PCDH15: variants seen among roughly 807,000 people sequenced by gnomAD.
PCDH15 encodes protocadherin related 15.
PCDH15 carries 129 observed loss-of-function variants against 178.5 expected under a neutral mutation model. That is an observed-to-expected ratio of 0.72 (90% confidence interval 0.63 to 0.84). The LOEUF (loss-of-function observed/expected upper bound fraction) is 0.84. PCDH15 is among the 40% of genes least tolerant of loss of function. The pLI, the probability that PCDH15 is intolerant of heterozygous loss-of-function variation, is 0.00. For synonymous variants in PCDH15, 800 were observed against 732.0 expected (o/e 1.09, Z -1.50); for missense variants, 2,230 against 2,099.9 (o/e 1.06, Z -1.21).
chr10:53,938,750 T>A, intron 25 of PCDH15, 65 bp downstream of exon 25: 25 of 1,516,972 alleles, frequency 1.6e-5, no homozygotes, highest in Non-Finnish European at 2.2e-5. Flanking sequence ...ACATAGGTAT[T>A]TCATTTAAAA....
chr10:54,992,302 T>A (rs1839521142), intron 2 of PCDH15, among the ~76,000 whole-genome samples: 1 of 152,198 alleles, frequency 6.6e-6, no homozygotes, highest in Admixed American at 6.5e-5. Flanking sequence ...TAACTACTGG[T>A]CAAAACATGA....
chr10:53,914,260 C>G (rs1319482617), intron 25 of PCDH15, among the ~76,000 whole-genome samples: 2 of 152,180 alleles, frequency 1.3e-5, no homozygotes, highest in Admixed American at 1.3e-4. Context: ...AATCCCATCA[C>G]TGGATATATA....
rs377727251 is a variant in PCDH15, at chr10:55,400,374, A to C, written c.-156+227251T>G. ...GTTATAGGAGTGAAAAATAAAACTT[A>C]CTTTAAGCCACTAAAGGTCATGTGA... On this transcript the variant is annotated intron_variant, in intron 2 of 5. Coordinates refer to the PCDH15 transcript ENST00000613346. Among the ~76,000 whole-genome samples the C allele has an allele frequency of 3.0e-4, 46 of 152,254 alleles. No individual in the cohort carries two copies. In the South Asian group the frequency reaches 9.5e-3, roughly 32 times the overall value.
intron 37 of PCDH15, chr10:53,809,101 G>GACTC: frequency 6.2e-7 from 1 of 1,613,716 alleles, no homozygotes; most frequent in Non-Finnish European, 8.5e-7. Flanking sequence ...TTCTCCTTCT[G>GACTC]ACTCTGTGGA....
intron 2 of PCDH15, among the ~76,000 whole-genome samples, chr10:55,388,336 T>G (rs759612443): frequency 6.6e-6 from 1 of 152,094 alleles, no homozygotes; most frequent in South Asian, 2.1e-4. Flanking sequence ...CCTTCTCTGA[T>G]GGCTGGTTGA....
chr10:54,704,762 T>G (rs1405544256), intron 1 of PCDH15, among the ~76,000 whole-genome samples: 1 of 152,084 alleles, frequency 6.6e-6, no homozygotes, highest in Non-Finnish European at 1.5e-5. Context: ...GGAAAGCAGT[T>G]TGGAGATTTC....
At chr10:54,536,191 C>T (rs1930167) in intron 2 of PCDH15, among the ~76,000 whole-genome samples, 9,588 of 152,268 alleles carry the variant, frequency 0.063, 324 homozygotes, top group East Asian at 0.084. Context: ...ACACCTTGCT[C>T]ACTCTTAGGA....
intron 26 of PCDH15, among the ~76,000 whole-genome samples, chr10:53,896,687 T>C (rs369980664): frequency 6.6e-6 from 1 of 152,170 alleles, no homozygotes; most frequent in Admixed American, 6.6e-5. Flanking sequence ...TAGCTACTCT[T>C]CATGGCTCAC....
At chr10:54,378,635 C>T in intron 4 of PCDH15, 147 bp downstream of exon 4, 5 of 882,208 alleles carry the variant, frequency 5.7e-6, no homozygotes, top group Non-Finnish European at 6.9e-6. Context: ...TCTCATTCTT[C>T]TTTAAATGAG....
At chr10:55,587,398 T>C (rs991768075) in intron 2 of PCDH15, among the ~76,000 whole-genome samples, 3 of 143,498 alleles carry the variant, frequency 2.1e-5, no homozygotes, top group Non-Finnish European at 3.0e-5. Context: ...TGTTCAGTAT[T>C]ATTAGTAAGA....
At chr10:54,853,318 T>TATACACAC (rs1194965974) in intron 3 of PCDH15, among the ~76,000 whole-genome samples, 2 of 102,054 alleles carry the variant, frequency 2.0e-5, no homozygotes, top group Admixed American at 1.3e-4. Flanking sequence ...TATATATATA[T>TATACACAC]ACATACACAC....
chr10:54,821,588 C>A (rs576129970), intron 3 of PCDH15, among the ~76,000 whole-genome samples: 2 of 152,140 alleles, frequency 1.3e-5, no homozygotes, highest in African/African-American at 4.8e-5. Context: ...ATATAAAACA[C>A]ATTTTTCTTA....
intron 2 of PCDH15, among the ~76,000 whole-genome samples, chr10:55,475,954 G>T (rs1313509987): frequency 1.3e-5 from 2 of 152,038 alleles, no homozygotes; most frequent in Non-Finnish European, 2.9e-5. Flanking sequence ...ACTGCCAGTT[G>T]CACTATATCT....
chr10:55,502,719 T>C (rs1213090387), intron 2 of PCDH15, among the ~76,000 whole-genome samples: 1 of 151,680 alleles, frequency 6.6e-6, no homozygotes, highest in East Asian at 1.9e-4. Context: ...AAACTATCTT[T>C]CCTTTTTGAG....
intron 3 of PCDH15, among the ~76,000 whole-genome samples, chr10:54,438,585 T>G (rs527406489): frequency 3.0e-4 from 46 of 152,098 alleles, no homozygotes; most frequent in Non-Finnish European, 5.3e-4. Flanking sequence ...AACGAGCATG[T>G]AGCCTTCAGA....
intron 25 of PCDH15, among the ~76,000 whole-genome samples, chr10:53,935,437 T>A (rs561986582): frequency 5.3e-5 from 8 of 152,138 alleles, no homozygotes; most frequent in African/African-American, 1.9e-4. Flanking sequence ...AGGAAACATA[T>A]GAGCAGTGCA....
chr10:54,120,613 G>A (rs1171085292), intron 15 of PCDH15, among the ~76,000 whole-genome samples: 1 of 151,680 alleles, frequency 6.6e-6, no homozygotes, highest in Admixed American at 6.6e-5. Context: ...AAACAGAAAA[G>A]GAAAAGAACA....
At chr10:54,646,894 C>T (rs1395866297) in intron 2 of PCDH15, among the ~76,000 whole-genome samples, 4 of 151,996 alleles carry the variant, frequency 2.6e-5, no homozygotes, top group African/African-American at 9.6e-5. Context: ...GATGGGAATA[C>T]AATATGGTGC....
At chr10:54,262,954 C>A (rs1975405) in intron 8 of PCDH15, among the ~76,000 whole-genome samples, 98,862 of 152,012 alleles carry the variant, frequency 0.65, 33,431 homozygotes, top group Middle Eastern at 0.74. Context: ...CCATGGTTGC[C>A]AGCTGGGCTG....
Sources: allele counts gnomAD v4.1 joint callset (sites outside exome capture counted in the v4.1 genomes callset), GRCh38; gene constraint gnomAD v4.1.1; transcripts MANE v1.5; gene names NCBI Gene and HGNC (gene_info 2026-07-23, HGNC 2026-07-21).